Variants in MFAP1 observed in about 807,000 individuals in gnomAD.
The protein encoded by MFAP1 is microfibril associated protein 1, also known as microfibrillar-associated protein 1.
A neutral mutation model predicts 62.2 loss-of-function variants in MFAP1; 18 were observed. The observed-to-expected ratio is 0.29, with a 90% CI of 0.20 to 0.43. MFAP1 has a LOEUF of 0.43. Ranked by LOEUF, MFAP1 falls within the 20% of genes least tolerant of loss-of-function variation. The pLI is 1.00. For missense variants in MFAP1, 355 were observed against 559.7 expected, an observed-to-expected ratio of 0.63 and a Z score of 3.69; for synonymous variants, 175 against 180.4, an observed-to-expected ratio of 0.97 and a Z score of 0.24.
chr15:43,810,578 A>T (rs1171265058), intron 6 of MFAP1, among the ~76,000 whole-genome samples: 1 of 152,032 alleles, frequency 6.6e-6, no homozygotes, highest in Non-Finnish European at 1.5e-5. Flanking sequence ...CGTGTTAGCC[A>T]GGATGGTCTC....
At chr15:43,817,093 T>G (rs2087438285) in intron 2 of MFAP1, 136 bp downstream of exon 2, 1 of 900,800 alleles carries the variant, frequency 1.1e-6, no homozygotes, top group Non-Finnish European at 1.7e-6. Flanking sequence ...ATAGCACCTA[T>G]TTCATAAAGT....
intron 2 of MFAP1, among the ~76,000 whole-genome samples, chr15:43,815,807 T>C (rs1020312392): frequency 6.6e-6 from 1 of 152,002 alleles, no homozygotes; most frequent in Non-Finnish European, 1.5e-5. Context: ...CTAATTTTTT[T>C]ATTTTTAGTA....
At position 43,813,331 on chromosome 15, in the gene MFAP1, C is replaced by T. The variant is rs376271613; in HGVS notation, c.644G>A (p.Arg215His). 6.2e-6 allele frequency: 10 copies of T among 1,609,604 alleles called. No homozygotes were observed. The highest frequency in any genetic ancestry group is 8.5e-6 in the Non-Finnish European group (10 of 1,179,006). The change falls in exon 5 of 9, where the codon CGT becomes CAT. Residue 215 changes from arginine (R) to histidine (H), a missense_variant. Physicochemically the swap from Arg to His is conservative, Grantham distance 29. Coordinates refer to ENST00000267812, the MANE Select transcript of MFAP1 (RefSeq NM_005926.3). ...CTTCTGTTTCAATGCTTCGGCTTCA[C>T]GTTCTTGAACTGTCACTCGGTCCTT... ...RKKDRVTVQEREAEALKQKEL... is the reference protein window; with the variant it reads ...RKKDRVTVQEHEAEALKQKEL...
intron 1 of MFAP1, among the ~76,000 whole-genome samples, chr15:43,818,626 C>T (rs1361663166): frequency 1.3e-5 from 2 of 152,000 alleles, no homozygotes; most frequent in African/African-American, 4.8e-5. Flanking sequence ...GGTGCAGTGG[C>T]TCATGCCTAT....
At chr15:43,811,794 C>T (rs1287152030) in intron 6 of MFAP1, among the ~76,000 whole-genome samples, 1 of 152,002 alleles carries the variant, frequency 6.6e-6, no homozygotes, top group Admixed American at 6.6e-5. Context: ...GGGTGTGAGC[C>T]ATCACGCCCA....
chr15:43,814,984 T>G lies in MFAP1; in HGVS notation c.390A>C (p.Glu130Asp). ...VEGDAWRMEREDSSEEEEEEI... is the reference protein window; with the variant it reads ...VEGDAWRMERDDSSEEEEEEI... ...CCTCCTCCTCTTCTTCACTGCTGTC[T>G]TCTCGTTCCATGCGCCAAGCATCTC... The change falls in exon 3 of 9, where the codon GAA becomes GAC. Residue 130 changes from glutamate (E) to aspartate (D), a missense_variant. Glu to Asp is a conservative substitution (Grantham distance 45, BLOSUM62 2). Transcript: ENST00000267812. 6.2e-7 allele frequency: 1 copy of G among 1,614,212 alleles called. No homozygotes were observed. Among genetic ancestry groups the G allele is most frequent in the African/African-American group, 1.3e-5 (1 of 75,068 alleles).
chr15:43,809,152 T>G (rs1276411274), intron 7 of MFAP1, among the ~76,000 whole-genome samples: 2 of 152,114 alleles, frequency 1.3e-5, no homozygotes, highest in South Asian at 4.1e-4. Context: ...TAGTCCACTA[T>G]CTGTACAGAT....
Position 43,817,399 on chromosome 15 carries a change from T to C in MFAP1, c.129A>G (p.Lys43=). ...ACTCCATAGGGGCATAGTCTGGCCT[T>C]TTTCCGGACACATAACGCTTTACCT... ...KVKVKRYVSG[K]RPDYAPMESS... The change falls in exon 2 of 9, where the codon AAA becomes AAG. Residue 43 remains lysine (K), a synonymous_variant. Transcript: ENST00000267812. 6.2e-7 allele frequency: 1 copy of C among 1,614,156 alleles called. No homozygotes were observed. Among genetic ancestry groups the C allele is most frequent in the Non-Finnish European group, 8.5e-7 (1 of 1,180,022 alleles).
At chr15:43,813,940 G>C (rs572804083) in intron 4 of MFAP1, among the ~76,000 whole-genome samples, 1 of 152,084 alleles carries the variant, frequency 6.6e-6, no homozygotes, top group Non-Finnish European at 1.5e-5. Context: ...TGCTCGTTGA[G>C]TTTAATTTTG....
At chr15:43,813,505 G>T in intron 4 of MFAP1, 148 bp from the exon 5 acceptor site, 3 of 524,938 alleles carry the variant, frequency 5.7e-6, no homozygotes, top group East Asian at 4.1e-5. Flanking sequence ...AGTCATCCCA[G>T]GTCTTTTTTT....
At chr15:43,805,353 C>T in intron 8 of MFAP1, 23 bp downstream of exon 8, 2 of 1,606,952 alleles carry the variant, frequency 1.2e-6, no homozygotes, top group Non-Finnish European at 1.7e-6. Context: ...TTTTCTCTGT[C>T]ATGTTATTAA....
Position 43,817,492 on chromosome 15 carries a change from A to G in MFAP1, c.80-44T>C, listed in dbSNP as rs977773527. The G allele has an allele frequency of 1.6e-5, 26 of 1,600,534 alleles. No individual in the cohort carries two copies. The East Asian group carries it at 5.4e-4, about 33-fold the overall frequency. On this transcript the variant is annotated intron_variant, in intron 1 of 8. Transcript: ENST00000267812. The stretch of plus-strand genomic sequence containing the variant: ...TTATGTTTCAGTAGCCTCTTTCTCA[A>G]TGTGCTTCAACCCATCACGGCCTTT...
chr15:43,814,483 G>T lies in MFAP1; in HGVS notation c.617+18C>A, dbSNP rs141947046. On this transcript the variant is annotated intron_variant, in intron 4 of 8. Coordinates refer to ENST00000267812, the MANE Select transcript of MFAP1 (RefSeq NM_005926.3). The stretch of plus-strand genomic sequence containing the variant: ...GTGGTAATTAAGTGGATTCAGATCT[G>T]GCTTGTGAGATACTTACTTTCGAAT... The T allele has an allele frequency of 3.4e-4, 543 of 1,596,634 alleles. 2 individuals are homozygous for T. The African/African-American group carries it at 6.5e-3, about 19-fold the overall frequency.
At chr15:43,818,318 CTACAAA>C (rs1215537279) in intron 1 of MFAP1, among the ~76,000 whole-genome samples, 10 of 152,056 alleles carry the variant, frequency 6.6e-5, no homozygotes, top group Non-Finnish European at 1.3e-4. Context: ...AGCACCCAGC[CTACAAA>C]TACAAACAAT....
intron 1 of MFAP1, among the ~76,000 whole-genome samples, chr15:43,820,271 C>G (rs773943880): frequency 1.3e-5 from 2 of 152,050 alleles, no homozygotes; most frequent in African/African-American, 4.8e-5. Context: ...GAGCCGAGAT[C>G]GCGCCACTGC....
intron 2 of MFAP1, among the ~76,000 whole-genome samples, chr15:43,816,898 G>A (rs1293943285): frequency 6.6e-6 from 1 of 152,088 alleles, no homozygotes; most frequent in Non-Finnish European, 1.5e-5. Flanking sequence ...ACATCTTTGT[G>A]CTAAAAAGAC....
intron 4 of MFAP1, 82 bp from the exon 5 acceptor site, chr15:43,813,439 C>A: frequency 7.8e-7 from 1 of 1,282,948 alleles, no homozygotes; most frequent in Non-Finnish European, 1.1e-6. Flanking sequence ...CCATCCAAAT[C>A]AGACAAAAAC....
chr15:43,819,641 C>T (rs2087455330), intron 1 of MFAP1, among the ~76,000 whole-genome samples: 1 of 152,130 alleles, frequency 6.6e-6, no homozygotes, highest in African/African-American at 2.4e-5. Context: ...AGCAATTCTC[C>T]CTGCCTCAGG....
chr15:43,809,693 T>C, intron 7 of MFAP1, 62 bp downstream of exon 7: 1 of 1,558,412 alleles, frequency 6.4e-7, no homozygotes, highest in Non-Finnish European at 8.7e-7. Context: ...AAGAGAAAAA[T>C]AATTCAAAGT....
Sources: gnomAD v4.1 joint callset for allele counts (sites outside exome capture counted in the v4.1 genomes callset) on GRCh38, gnomAD v4.1.1 for gene constraint, MANE v1.5 for transcripts, NCBI Gene and HGNC (gene_info 2026-07-23, HGNC 2026-07-21) for gene names.